SIDT1: variants seen among roughly 807,000 people sequenced by gnomAD.
The protein encoded by SIDT1 is SID1 transmembrane family member 1.
A neutral mutation model predicts 107.5 loss-of-function variants in SIDT1; 101 were observed. The observed-to-expected ratio is 0.94, with a 90% CI of 0.80 to 1.11. The LOEUF (loss-of-function observed/expected upper bound fraction) is 1.11, where lower values mean the gene tolerates loss of function less well. Ranked by LOEUF, SIDT1 falls within the 50% of genes least tolerant of loss-of-function variation. SIDT1 has a pLI of 0.00. For missense variants in SIDT1, 1,076 were observed against 1,058.2 expected, an observed-to-expected ratio of 1.02 and a Z score of -0.23; for synonymous variants, 395 against 398.2, an observed-to-expected ratio of 0.99 and a Z score of 0.10.
downstream of SIDT1, among the ~76,000 whole-genome samples, chr3:113,631,978 C>T (rs1947097867): frequency 6.6e-6 from 1 of 152,178 alleles, no homozygotes; most frequent in Non-Finnish European, 1.5e-5. Flanking sequence ...AATTCCTTGG[C>T]TCTGTCCTAC....
At chr3:113,588,699 T>C (rs1943919504) in intron 9 of SIDT1, 3 of 152,186 alleles carry the variant, frequency 2.0e-5, no homozygotes, top group Admixed American at 2.0e-4. Flanking sequence ...TGTTCTCTTA[T>C]TTGTTCTTCA....
At position 113,580,515 on chromosome 3, in the gene SIDT1, C is replaced by A; in HGVS notation, c.562-93C>A. The A allele has an allele frequency of 4.3e-6, 3 of 700,000 alleles. 1 individual carries two copies. The highest frequency in any genetic ancestry group is 5.1e-4 in the Middle Eastern group (2 of 3,884). The allele number at this position is 700,000 out of a possible 1,614,324, so 43.4% of individuals were successfully genotyped here. On this transcript the variant is annotated intron_variant, in intron 4 of 24. Transcript: ENST00000264852. ...GACTGAATTCATTAATGGAGATTCACGGAGATTTACGTATAAATTTTGTGC... is the reference window on the plus strand; with the variant it reads ...GACTGAATTCATTAATGGAGATTCAAGGAGATTTACGTATAAATTTTGTGC...
downstream of SIDT1, among the ~76,000 whole-genome samples, chr3:113,630,704 G>A (rs545730634): frequency 6.6e-6 from 1 of 152,332 alleles, no homozygotes; most frequent in East Asian, 1.9e-4. Context: ...CCTTGGGGAA[G>A]TGACTGAAAC....
At chr3:113,536,803 TA>T (rs1416031724) in intron 1 of SIDT1, among the ~76,000 whole-genome samples, 1 of 152,224 alleles carries the variant, frequency 6.6e-6, no homozygotes. Flanking sequence ...ATGAAAATAA[TA>T]ATTGGAGGTG....
At chr3:113,622,056 G>A (rs531356156) in intron 21 of SIDT1, among the ~76,000 whole-genome samples, 80 of 152,122 alleles carry the variant, frequency 5.3e-4, no homozygotes, top group African/African-American at 1.9e-3. Flanking sequence ...GTGAGGCACC[G>A]ATCTAAAATT....
intron 8 of SIDT1, among the ~76,000 whole-genome samples, 184 bp from the exon 9 acceptor site, chr3:113,584,993 A>G (rs1028211402): frequency 2.0e-5 from 3 of 152,166 alleles, no homozygotes; most frequent in African/African-American, 7.2e-5. Flanking sequence ...GGAAGTCATC[A>G]TTGTGAAAGG....
intron 3 of SIDT1, among the ~76,000 whole-genome samples, chr3:113,568,188 T>C (rs906212612): frequency 3.3e-5 from 5 of 151,706 alleles, no homozygotes; most frequent in African/African-American, 1.2e-4. Context: ...CCCCTGTTTT[T>C]AAAAAACTAA....
At chr3:113,598,467 A>T (rs956758133) in intron 10 of SIDT1, among the ~76,000 whole-genome samples, 1 of 152,218 alleles carries the variant, frequency 6.6e-6, no homozygotes, top group Non-Finnish European at 1.5e-5. Context: ...TCAACTTCCC[A>T]TATCAGAGGA....
At position 113,581,453 on chromosome 3, in the gene SIDT1, T is replaced by C. The variant is rs770460341; in HGVS notation, c.747+9T>C. The C allele has an allele frequency of 2.5e-6, 4 of 1,607,324 alleles. No individual in the cohort carries two copies. The Admixed American group carries it at 6.7e-5, about 27-fold the overall frequency. On this transcript the variant is annotated intron_variant, in intron 6 of 24. Transcript: ENST00000264852. ...CTGCCATCACGCTACAGGTGAGGCA[T>C]TGCTTCTGTGGGCATTATTGCCAAT... is the stretch of plus-strand genomic sequence containing the variant.
intron 7 of SIDT1, 97 bp downstream of exon 7, chr3:113,583,593 G>A: frequency 1.2e-6 from 1 of 839,058 alleles, no homozygotes; most frequent in Admixed American, 2.5e-5. Context: ...CACTAAACAA[G>A]GGTTGGTTCC....
rs1478141528 is a variant in SIDT1 at position 113,532,981 on chromosome 3, C to T, written c.-41C>T. 1.5e-6 allele frequency: 2 copies of T among 1,297,994 alleles called. No individual in the cohort carries two copies. The highest frequency in any genetic ancestry group is 2.0e-6 in the Non-Finnish European group (2 of 1,015,960). 80.4% of individuals were successfully genotyped at this position (1,297,994 alleles called of 1,614,324 possible). On this transcript the variant is annotated 5_prime_UTR_variant, in exon 1 of 25. Coordinates refer to ENST00000264852, the MANE Select transcript of SIDT1 (RefSeq NM_017699.3). The stretch of plus-strand genomic sequence containing the variant: ...GACCCTCTCTGCGCTCGCCCCCTCC[C>T]CAGGGTGGCTCCGCTTTCGAGCCCG...
At chr3:113,562,138 T>C (rs1295225029) in intron 1 of SIDT1, among the ~76,000 whole-genome samples, 5 of 152,106 alleles carry the variant, frequency 3.3e-5, no homozygotes, top group Non-Finnish European at 5.9e-5. Context: ...TTAAATATCA[T>C]GTGGTCCACA....
chr3:113,564,073 C>T (rs528033606), intron 1 of SIDT1, among the ~76,000 whole-genome samples: 11 of 152,272 alleles, frequency 7.2e-5, no homozygotes, highest in Admixed American at 2.0e-4. Context: ...CTCAGCCTCC[C>T]GAGTAGCTGT....
At chr3:113,623,215 AAAAAAAG>A in intron 21 of SIDT1, among the ~76,000 whole-genome samples, 1 of 149,684 alleles carries the variant, frequency 6.7e-6, no homozygotes, top group African/African-American at 2.4e-5. Context: ...AAAAAAAAAA[AAAAAAAG>A]ATACTTATAT....
At chr3:113,547,275 A>C (rs1939697044) in intron 1 of SIDT1, among the ~76,000 whole-genome samples, 1 of 152,066 alleles carries the variant, frequency 6.6e-6, no homozygotes, top group African/African-American at 2.4e-5. Context: ...AAAGCAAAAA[A>C]CTTCTTTTTT....
At position 113,566,385 on chromosome 3, in the gene SIDT1, CG is replaced by C. The variant is rs762033063; in HGVS notation, c.223-34del. On this transcript the variant is annotated intron_variant, in intron 1 of 24. Transcript: ENST00000264852. ...GTGTGTTTGCATGTGTGCATGTGCACGTTTTGCATTACCTCTTTCTACCCTG... is the reference window on the plus strand; with the variant it reads ...GTGTGTTTGCATGTGTGCATGTGCACTTTTGCATTACCTCTTTCTACCCTG... 1.2e-5 allele frequency: 20 copies of C among 1,601,548 alleles called. No individual in the cohort carries two copies. The South Asian group carries it at 2.2e-4, about 18-fold the overall frequency.
At chr3:113,586,864 G>C (rs771207671) in intron 9 of SIDT1, among the ~76,000 whole-genome samples, 3 of 152,132 alleles carry the variant, frequency 2.0e-5, no homozygotes, top group Non-Finnish European at 4.4e-5. Context: ...TGTCATAAAA[G>C]ACAAAGAAAA....
At chr3:113,616,693 ATT>A (rs33991386) in intron 20 of SIDT1, among the ~76,000 whole-genome samples, 2 of 146,642 alleles carry the variant, frequency 1.4e-5, no homozygotes, top group Non-Finnish European at 1.5e-5. Context: ...ATAATAAAGA[ATT>A]TTTTTTTTTT....
At chr3:113,605,368 C>T (rs185654190) in intron 14 of SIDT1, among the ~76,000 whole-genome samples, 25 of 152,154 alleles carry the variant, frequency 1.6e-4, no homozygotes, top group Admixed American at 8.5e-4. Flanking sequence ...TCAGGTGATC[C>T]GCCTGCTTCA....
Sources: allele counts gnomAD v4.1 joint callset (sites outside exome capture counted in the v4.1 genomes callset), GRCh38; gene constraint gnomAD v4.1.1; transcripts MANE v1.5; gene names NCBI Gene and HGNC (gene_info 2026-07-23, HGNC 2026-07-21).